The following FARP1 variants were observed in gnomAD, a reference collection of about 807,000 sequenced individuals.
FARP1 encodes the protein FERM, ARH/RhoGEF and pleckstrin domain protein 1.
Under a neutral mutation model 128.8 loss-of-function variants are expected in FARP1, and 52 were observed. The observed-to-expected ratio is 0.40, with a 90% CI of 0.32 to 0.51. The LOEUF (loss-of-function observed/expected upper bound fraction) is 0.51. FARP1 is among the 20% of genes least tolerant of loss of function. The probability of loss-of-function intolerance (pLI) is 0.45; values close to 1 mark genes in which losing one functional copy is unlikely to be tolerated. For synonymous variants in FARP1, 580 were observed against 551.8 expected (o/e 1.05, Z -0.72); for missense variants, 1,333 against 1,367.9 (o/e 0.97, Z 0.40).
chr13:98,316,359 C>T (rs1281182526), intron 2 of FARP1, among the ~76,000 whole-genome samples: 1 of 152,222 alleles, frequency 6.6e-6, no homozygotes, highest in Non-Finnish European at 1.5e-5. Flanking sequence ...ATTTAATCTC[C>T]ATGAGAATCC....
At chr13:98,249,695 G>A (rs565987644) in intron 2 of FARP1, among the ~76,000 whole-genome samples, 1 of 152,248 alleles carries the variant, frequency 6.6e-6, no homozygotes, top group South Asian at 2.1e-4. Context: ...GTAACAAGAT[G>A]TACATCTCCC....
rs1240425265 is a variant in FARP1 at position 98,384,860 on chromosome 13, G to T, written c.611+16G>T. 2 of 1,499,220 alleles carry T rather than the reference G, an allele frequency of 1.3e-6. No homozygotes were observed. Among genetic ancestry groups the T allele is most frequent in the Non-Finnish European group, 1.9e-6 (2 of 1,075,594 alleles). 92.9% of individuals were successfully genotyped at this position (1,499,220 alleles called of 1,614,324 possible). A position where few individuals can be genotyped will look rare whatever the true frequency, so the allele number is the denominator to read the frequency against. ...ATAACCACATGTAAGTCTCATTCTT[G>T]GCTTCATATTCCCTCTGAGCCGGTT... On this transcript the variant is annotated intron_variant, in intron 7 of 26. Coordinates refer to ENST00000319562, the MANE Select transcript of FARP1 (RefSeq NM_005766.4).
intron 13 of FARP1, chr13:98,401,124 C>A (rs549562615): frequency 6.6e-6 from 1 of 152,080 alleles, no homozygotes; most frequent in Non-Finnish European, 1.5e-5. Flanking sequence ...TAGCCAAGCC[C>A]GTAAGAGCAT....
intron 17 of FARP1, among the ~76,000 whole-genome samples, chr13:98,430,379 C>T (rs1464787096): frequency 6.6e-6 from 1 of 152,250 alleles, no homozygotes; most frequent in East Asian, 1.9e-4. Flanking sequence ...CCCCTGTCCT[C>T]TGCTCTCCCC....
intron 6 of FARP1, chr13:98,382,683 C>T (rs1186647186): frequency 9.9e-5 from 15 of 152,170 alleles, no homozygotes; most frequent in Non-Finnish European, 1.2e-4. Flanking sequence ...TTTGGAGTCA[C>T]CTGATGTGCA....
intron 1 of FARP1, among the ~76,000 whole-genome samples, chr13:98,169,105 G>A (rs1877477324): frequency 1.3e-5 from 2 of 151,896 alleles, no homozygotes; most frequent in Admixed American, 6.6e-5. Flanking sequence ...AACTTGAACC[G>A]ACCTATCAGT....
chr13:98,260,776 C>T (rs553893061), intron 2 of FARP1, among the ~76,000 whole-genome samples: 1 of 152,342 alleles, frequency 6.6e-6, no homozygotes, highest in African/African-American at 2.4e-5. Flanking sequence ...AAGCTGACCA[C>T]TGTTTGAAAT....
chr13:98,278,455 T>C (rs972818332), intron 2 of FARP1, among the ~76,000 whole-genome samples: 5 of 152,056 alleles, frequency 3.3e-5, no homozygotes, highest in Non-Finnish European at 7.4e-5. Context: ...TGTGAGACAG[T>C]GTTGCAAGTG....
At chr13:98,404,029 C>CACTACA in intron 13 of FARP1, 1 of 155,830 alleles carries the variant, frequency 6.4e-6, no homozygotes, top group South Asian at 1.8e-4. Flanking sequence ...TCACCACCAC[C>CACTACA]ACTGCTACTA....
chr13:98,448,091 G>A (rs1300994091), intron 26 of FARP1, 145 bp from the exon 27 acceptor site: 1 of 692,548 alleles, frequency 1.4e-6, no homozygotes, highest in Non-Finnish European at 2.6e-6. Flanking sequence ...CCTGGGTGCT[G>A]GCTGTTCCCT....
intron 3 of FARP1, among the ~76,000 whole-genome samples, chr13:98,363,235 G>C (rs1888946732): frequency 6.6e-6 from 1 of 152,168 alleles, no homozygotes; most frequent in Non-Finnish European, 1.5e-5. Context: ...GATCATCTGG[G>C]CATCAGGACT....
At position 98,177,143 on chromosome 13, in the gene FARP1, C is replaced by T. The variant is rs770114314; in HGVS notation, c.-24+33651C>T. 3.2e-5 allele frequency: 52 copies of T among 1,606,614 alleles called. No homozygotes were observed. The highest frequency in any genetic ancestry group is 4.3e-5 in the Non-Finnish European group (51 of 1,179,778). ...TCGCAGGCCGGGCGCTTTCTGAGGCCTGCAGCCCCTTTCCGTCCAGGCTTT... is the reference window on the plus strand; with the variant it reads ...TCGCAGGCCGGGCGCTTTCTGAGGCTTGCAGCCCCTTTCCGTCCAGGCTTT... On this transcript the variant is annotated intron_variant, in intron 1 of 26. Coordinates refer to ENST00000319562, the MANE Select transcript of FARP1 (RefSeq NM_005766.4).
At chr13:98,154,115 T>C (rs561142418) in intron 1 of FARP1, among the ~76,000 whole-genome samples, 3 of 152,352 alleles carry the variant, frequency 2.0e-5, no homozygotes, top group African/African-American at 7.2e-5. Context: ...CTCACTCACT[T>C]TTGCTATCTA....
At chr13:98,333,284 A>C (rs770010821) in intron 2 of FARP1, 1 of 152,168 alleles carries the variant, frequency 6.6e-6, no homozygotes, top group Non-Finnish European at 1.5e-5. Flanking sequence ...TTATTCATCT[A>C]CTTCTAAAAG....
At chr13:98,353,051 C>A (rs1207918684) in intron 3 of FARP1, among the ~76,000 whole-genome samples, 2 of 152,160 alleles carry the variant, frequency 1.3e-5, no homozygotes, top group East Asian at 3.9e-4. Context: ...GGGCACCACA[C>A]ACTTTTAACC....
intron 1 of FARP1, among the ~76,000 whole-genome samples, chr13:98,159,243 A>G (rs1260739958): frequency 6.6e-6 from 1 of 152,170 alleles, no homozygotes; most frequent in African/African-American, 2.4e-5. Context: ...TTACTTGACC[A>G]TTCAATGAGG....
Position 98,313,313 on chromosome 13 carries a change from A to AACACACACAC in FARP1, c.172-30432_172-30423dup, listed in dbSNP as rs10684013. Reference sequence around the variant, plus strand: ...GGGTCATAATCCTCCCCTTCCCCCAAACACACACACACACACACACACACA... The same window carrying AACACACACAC: ...GGGTCATAATCCTCCCCTTCCCCCAAACACACACACACACACACACACACACACACACACA... On this transcript the variant is annotated intron_variant, in intron 2 of 26. Transcript: ENST00000319562. Among the ~76,000 whole-genome samples the AACACACACAC allele has an allele frequency of 7.0e-4, 97 of 139,460 alleles. 1 individual carries two copies. Among genetic ancestry groups the AACACACACAC allele is most frequent in the African/African-American group, 2.4e-3 (90 of 36,882 alleles). The allele number at this position is 139,460 out of a possible 152,430, so 91.5% of individuals were successfully genotyped here. A position where few individuals can be genotyped will look rare whatever the true frequency, so the allele number is the denominator to read the frequency against.
chr13:98,243,720 C>G lies in FARP1; in HGVS notation c.171+30307C>G, dbSNP rs1026441609. On this transcript the variant is annotated intron_variant, in intron 2 of 26. Coordinates refer to ENST00000319562, the MANE Select transcript of FARP1 (RefSeq NM_005766.4). ...TCAAAAAAAAAAAAAAAAAAAAAAT[C>G]TGTATAACTTGCATTGCCCTTTCAG... Among the ~76,000 whole-genome samples, 4 of 141,286 alleles carry G rather than the reference C, an allele frequency of 2.8e-5. No individual in the cohort carries two copies. The East Asian group carries it at 6.1e-4, about 21-fold the overall frequency. 92.7% of individuals were successfully genotyped at this position (141,286 alleles called of 152,430 possible).
Position 98,218,952 on chromosome 13 carries a change from T to C in FARP1, c.171+5539T>C, listed in dbSNP as rs540066797. On this transcript the variant is annotated intron_variant, in intron 2 of 26. Coordinates refer to ENST00000319562, the MANE Select transcript of FARP1 (RefSeq NM_005766.4). The stretch of plus-strand genomic sequence containing the variant: ...CGTAGGTTCTTTTCTGGTGTCAGAA[T>C]CGCCTGTGCTATCTTGGAGACCTAA... Among the ~76,000 whole-genome samples the C allele has an allele frequency of 5.2e-5, 8 of 152,382 alleles. No individual in the cohort carries two copies. The South Asian group carries it at 1.7e-3, about 32-fold the overall frequency.
Sources: gnomAD v4.1 joint callset for allele counts (sites outside exome capture counted in the v4.1 genomes callset) on GRCh38, gnomAD v4.1.1 for gene constraint, MANE v1.5 for transcripts, NCBI Gene and HGNC (gene_info 2026-07-23, HGNC 2026-07-21) for gene names.